ARID1B: variants seen among roughly 807,000 people sequenced by gnomAD.
The protein encoded by ARID1B is AT-rich interaction domain 1B, also known as AT-rich interactive domain-containing protein 1B.
Under a neutral mutation model 212.3 loss-of-function variants are expected in ARID1B, and 30 were observed. The observed-to-expected ratio is 0.14, with a 90% CI of 0.11 to 0.19. The LOEUF is 0.19. Among genes scored for constraint, ARID1B ranks in the 10% least tolerant of loss-of-function variants. The pLI is 1.00. For missense variants in ARID1B, 2,891 were observed against 3,204.0 expected (o/e 0.90, Z 2.36); for synonymous variants, 1,402 against 1,301.7 (o/e 1.08, Z -1.66).
At chr6:157,107,009 T>C (rs1450057398) in intron 5 of ARID1B, among the ~76,000 whole-genome samples, 1 of 152,218 alleles carries the variant, frequency 6.6e-6, no homozygotes, top group African/African-American at 2.4e-5. Flanking sequence ...GTCTCAAATA[T>C]CTTCCAAAAA....
rs113818462 is a variant in ARID1B, at chr6:157,206,786, C to T, written c.6014C>T (p.Ser2005Phe). 6.2e-7 allele frequency: 1 copy of T among 1,613,944 alleles called. No individual in the cohort carries two copies. Among genetic ancestry groups the T allele is most frequent in the Non-Finnish European group, 8.5e-7 (1 of 1,180,030 alleles). ...SIIATIDDVL[S>F]ARPGALPEDA... is the part of the protein sequence containing the mutation. ...ATAGCAACCATCGATGACGTCCTCT[C>T]TGCTCGGCCAGGGGCATTGCCTGAA... The change falls in exon 20 of 20, where the codon TCT becomes TTT. Residue 2005 changes from serine to phenylalanine, a missense_variant. Around this residue, in one of 7 missense-constraint regions of ARID1B, gnomAD observed 332 missense variants for 369.2 expected, o/e 0.90. Transcript: ENST00000636930. This position sits in a 1 kb window ranked among gnomAD's most constrained non-coding sequence, Gnocchi z 6.8.
intron 4 of ARID1B, among the ~76,000 whole-genome samples, chr6:156,986,678 C>G (rs1048415884): frequency 1.3e-5 from 2 of 152,092 alleles, no homozygotes; most frequent in African/African-American, 2.4e-5. Flanking sequence ...GTTGCTATGA[C>G]TATTATTATT....
intron 4 of ARID1B, among the ~76,000 whole-genome samples, chr6:157,030,875 A>G (rs1416639046): frequency 5.3e-5 from 8 of 152,222 alleles, no homozygotes; most frequent in Non-Finnish European, 1.0e-4. Context: ...CAATACATTC[A>G]GAGGACGGCC....
In ARID1B at chr6:156,932,116, C is replaced by T. The variant is rs79651459; in HGVS notation, c.2137-3350C>T. On this transcript the variant is annotated intron_variant, in intron 3 of 19. Transcript: ENST00000636930. ...GCTATGATTAGGCTGAGCCACAGAT[C>T]GAGACCTTGTTTCTTAAAAAAAAAA... Among the ~76,000 whole-genome samples the T allele has an allele frequency of 3.1e-3, 366 of 118,900 alleles. 1 individual carries two copies. Among genetic ancestry groups the T allele is most frequent in the African/African-American group, 0.012 (330 of 28,174 alleles). The allele number at this position is 118,900 out of a possible 152,430, so 78.0% of individuals were successfully genotyped here.
intron 1 of ARID1B, among the ~76,000 whole-genome samples, chr6:156,804,368 T>G (rs2127954431): frequency 6.6e-6 from 1 of 151,524 alleles, no homozygotes; most frequent in Non-Finnish European, 1.5e-5. Context: ...CACCCCTCAA[T>G]TTTGGATTAC....
At chr6:157,004,039 A>G (rs1348167159) in intron 4 of ARID1B, among the ~76,000 whole-genome samples, 2 of 152,014 alleles carry the variant, frequency 1.3e-5, no homozygotes, top group Admixed American at 1.3e-4. Context: ...GTCAAAACAA[A>G]CAAACACAAA....
chr6:156,852,869 C>T (rs1341427377), intron 2 of ARID1B, among the ~76,000 whole-genome samples: 1 of 152,184 alleles, frequency 6.6e-6, no homozygotes, highest in Non-Finnish European at 1.5e-5. Flanking sequence ...TTTCTTCCTC[C>T]TTCACTTAAT....
At chr6:157,179,747 C>T (rs1009419496) in intron 11 of ARID1B, among the ~76,000 whole-genome samples, 8 of 152,144 alleles carry the variant, frequency 5.3e-5, no homozygotes, top group Non-Finnish European at 1.2e-4. Flanking sequence ...AAAGGGAAAG[C>T]GGCGGCCTCA....
At chr6:157,089,583 G>A (rs1249246715) in intron 5 of ARID1B, among the ~76,000 whole-genome samples, 1 of 152,130 alleles carries the variant, frequency 6.6e-6, no homozygotes, top group Admixed American at 6.5e-5. Flanking sequence ...TAGTTAGAAG[G>A]TAAAGAATTC....
chr6:156,935,768 G>A (rs910676294), intron 4 of ARID1B, 192 bp downstream of exon 4: 1 of 525,460 alleles, frequency 1.9e-6, no homozygotes. Flanking sequence ...TATTTCATGT[G>A]TATATATCTC....
At chr6:156,816,869 A>T (rs1395205503) in intron 1 of ARID1B, among the ~76,000 whole-genome samples, 4 of 152,044 alleles carry the variant, frequency 2.6e-5, no homozygotes, top group Non-Finnish European at 4.4e-5. Context: ...GGACCCCTTT[A>T]TGTCCTCTTT....
rs779144270 is a variant in ARID1B at position 157,208,431 on chromosome 6, C to T, written c.*540C>T. The T allele has an allele frequency of 6.9e-5, 16 of 233,214 alleles. No homozygotes were observed. Among genetic ancestry groups the T allele is most frequent in the African/African-American group, 8.8e-5 (4 of 45,276 alleles). 14.4% of individuals were successfully genotyped at this position (233,214 alleles called of 1,614,324 possible). A position where few individuals can be genotyped will look rare whatever the true frequency, so the allele number is the denominator to read the frequency against. ...GGTATAGGGGCTCAAGGAGGTATGTCGGTCAGTAGTCAAAACTATGAAATG... is the reference window on the plus strand; with the variant it reads ...GGTATAGGGGCTCAAGGAGGTATGTTGGTCAGTAGTCAAAACTATGAAATG... On this transcript the variant is annotated 3_prime_UTR_variant, in exon 20 of 20. Transcript: ENST00000636930.
At chr6:156,864,394 G>A (rs1785538876) in intron 2 of ARID1B, among the ~76,000 whole-genome samples, 1 of 152,100 alleles carries the variant, frequency 6.6e-6, no homozygotes, top group Non-Finnish European at 1.5e-5. Context: ...CTAAGTAATG[G>A]TAATATATAG....
intron 4 of ARID1B, among the ~76,000 whole-genome samples, chr6:157,001,951 T>C (rs146866318): frequency 5.3e-4 from 81 of 152,336 alleles, no homozygotes; most frequent in African/African-American, 1.8e-3. Context: ...TTTCCAGAGG[T>C]GCCTCGTATT....
intron 2 of ARID1B, among the ~76,000 whole-genome samples, chr6:156,898,827 C>T (rs926741590): frequency 3.3e-5 from 5 of 152,006 alleles, no homozygotes; most frequent in African/African-American, 7.2e-5. Context: ...CAAAATTAGC[C>T]GGGTGTGGTG....
intron 1 of ARID1B, among the ~76,000 whole-genome samples, chr6:156,813,106 A>ACACACATACG (rs1781718268): frequency 9.4e-6 from 1 of 105,942 alleles, no homozygotes; most frequent in Non-Finnish European, 1.9e-5. Flanking sequence ...ACATATATAT[A>ACACACATACG]TATTTTTTTT....
intron 6 of ARID1B, among the ~76,000 whole-genome samples, chr6:157,121,291 G>GT (rs1433353075): frequency 6.6e-6 from 1 of 152,152 alleles, no homozygotes; most frequent in Non-Finnish European, 1.5e-5. Flanking sequence ...ACATTGCCCT[G>GT]TTTAAGTTCA....
At chr6:156,983,176 C>G (rs186080086) in intron 4 of ARID1B, among the ~76,000 whole-genome samples, 2 of 151,974 alleles carry the variant, frequency 1.3e-5, no homozygotes, top group Admixed American at 6.5e-5. Context: ...ATGGGTGGAT[C>G]ATGAGGTCAG....
intron 5 of ARID1B, among the ~76,000 whole-genome samples, chr6:157,087,521 G>A (rs1413544597): frequency 6.6e-6 from 1 of 152,166 alleles, no homozygotes; most frequent in African/African-American, 2.4e-5. Flanking sequence ...AGGTACATGC[G>A]GAGCACTCAG....
Sources: allele counts gnomAD v4.1 joint callset (sites outside exome capture counted in the v4.1 genomes callset), GRCh38; gene constraint gnomAD v4.1.1; regional missense constraint gnomAD v4.1.1; non-coding constraint Gnocchi (gnomAD v3.1); transcripts MANE v1.5; gene names NCBI Gene and HGNC (gene_info 2026-07-23, HGNC 2026-07-21).